KIF17: variants seen among roughly 807,000 people sequenced by gnomAD.
KIF17 encodes the protein kinesin family member 17.
KIF17 carries 80 observed loss-of-function variants against 96.8 expected under a neutral mutation model. That is an observed-to-expected ratio of 0.83 (90% CI 0.69 to 1.00). The LOEUF is 1.00. KIF17 is among the 50% of genes least tolerant of loss of function. KIF17 has a pLI of 0.00. For missense variants in KIF17, 1,280 were observed against 1,372.9 expected, an observed-to-expected ratio of 0.93 and a Z score of 1.07; for synonymous variants, 567 against 587.5, an observed-to-expected ratio of 0.97 and a Z score of 0.51.
intron 5 of KIF17, among the ~76,000 whole-genome samples, chr1:20,701,539 A>G (rs2054236328): frequency 2.0e-5 from 3 of 152,196 alleles, no homozygotes; most frequent in Admixed American, 2.0e-4. Context: ...AAGCCACCTG[A>G]GCAGCGAGTG....
intron 6 of KIF17, among the ~76,000 whole-genome samples, chr1:20,695,138 G>A (rs6694968): frequency 0.21 from 25,917 of 122,176 alleles, 2,743 homozygotes; most frequent in East Asian, 0.42. Context: ...GCACACACAC[G>A]CACACACACA....
chr1:20,686,705 G>A (rs562165712), intron 8 of KIF17, among the ~76,000 whole-genome samples: 18 of 152,176 alleles, frequency 1.2e-4, no homozygotes, highest in Admixed American at 5.9e-4. Flanking sequence ...ACAGGTGCAC[G>A]CCACCACACC....
At chr1:20,712,969 T>G (rs184831944) in intron 3 of KIF17, among the ~76,000 whole-genome samples, 12 of 136,878 alleles carry the variant, frequency 8.8e-5, no homozygotes, top group East Asian at 4.1e-4. Flanking sequence ...TATATATATA[T>G]TATCTATATA....
Position 20,666,041 on chromosome 1 carries a change from G to A in KIF17, c.2908+173C>T, listed in dbSNP as rs1161180254. Among the ~76,000 whole-genome samples the A allele has an allele frequency of 2.6e-5, 4 of 152,164 alleles. No homozygotes were observed. In the East Asian group the frequency reaches 5.8e-4, roughly 22 times the overall value. ...CCGGGCTGGGCCGTTTCCTCACCTC[G>A]TATCACCTAATCCTAAGAAGTTGGT... On this transcript the variant is annotated intron_variant, in intron 14 of 14. Coordinates refer to ENST00000400463, the MANE Select transcript of KIF17 (RefSeq NM_001122819.3).
At chr1:20,692,654 T>C (rs1178752271) in intron 6 of KIF17, 3 of 152,202 alleles carry the variant, frequency 2.0e-5, no homozygotes, top group Non-Finnish European at 4.4e-5. Flanking sequence ...TTATTTTCTG[T>C]GTGTGTGCTC....
Position 20,664,046 on chromosome 1 carries a change from TGTG to T in KIF17, c.*535_*537del, listed in dbSNP as rs2053480268. ...AAAAGCAGTTTATTGGGCAGCTTAA[TGTG>T]GAGTGGCCTTCCTTGGGCCACAGAC... On this transcript the variant is annotated 3_prime_UTR_variant, in exon 15 of 15. Coordinates refer to ENST00000400463, the MANE Select transcript of KIF17 (RefSeq NM_001122819.3). The T allele has an allele frequency of 5.6e-6, 1 of 178,894 alleles. No individual in the cohort carries two copies. Among genetic ancestry groups the T allele is most frequent in the Non-Finnish European group, 1.2e-5 (1 of 82,158 alleles). 11.1% of individuals were successfully genotyped at this position (178,894 alleles called of 1,614,324 possible).
intron 7 of KIF17, among the ~76,000 whole-genome samples, chr1:20,689,392 T>C (rs372812621): frequency 6.6e-6 from 1 of 152,190 alleles, no homozygotes; most frequent in East Asian, 1.9e-4. Context: ...GGCTCATGCC[T>C]GTAAGCCCAG....
intron 11 of KIF17, among the ~76,000 whole-genome samples, chr1:20,681,764 C>T (rs113278672): frequency 1.3e-4 from 20 of 152,304 alleles, no homozygotes; most frequent in African/African-American, 4.6e-4. Flanking sequence ...GCTTCAGGCT[C>T]CATCCCAATG....
chr1:20,671,554 C>T (rs1230516299), intron 12 of KIF17, among the ~76,000 whole-genome samples: 3 of 151,904 alleles, frequency 2.0e-5, no homozygotes, highest in Admixed American at 6.6e-5. Flanking sequence ...AGGCTGGTCT[C>T]GAACTCCTGG....
chr1:20,690,164 C>T, intron 7 of KIF17, 24 bp downstream of exon 7: 1 of 1,613,860 alleles, frequency 6.2e-7, no homozygotes, highest in Non-Finnish European at 8.5e-7. Flanking sequence ...CTGGAGACAG[C>T]CTCGGGGGGC....
In KIF17 at chr1:20,686,097, G is replaced by A. The variant is rs1010948790; in HGVS notation, c.1968C>T (p.Pro656=). The A allele has an allele frequency of 1.3e-6, 2 of 1,568,054 alleles. No homozygotes were observed. Among genetic ancestry groups the A allele is most frequent in the Admixed American group, 3.8e-5 (2 of 53,042 alleles). The change falls in exon 9 of 15, where the codon CCC becomes CCT. Residue 656 remains proline, a synonymous_variant. Coordinates refer to ENST00000400463, the MANE Select transcript of KIF17 (RefSeq NM_001122819.3). ...CCTCGGCTTCGGGCCTGGCATCACTGGGCTCCAGCAGGTCTGTCGGCGCAG... is the reference window on the plus strand; with the variant it reads ...CCTCGGCTTCGGGCCTGGCATCACTAGGCTCCAGCAGGTCTGTCGGCGCAG... ...QVPAPTDLLE[P]SDARPEAEAA...
intron 11 of KIF17, among the ~76,000 whole-genome samples, chr1:20,681,805 C>T (rs1459777166): frequency 6.6e-6 from 1 of 152,196 alleles, no homozygotes; most frequent in Non-Finnish European, 1.5e-5. Flanking sequence ...CACTGGTTCT[C>T]TCTCTCAGTT....
downstream of KIF17, among the ~76,000 whole-genome samples, chr1:20,661,840 T>C (rs650452): frequency 1 from 151,656 of 152,376 alleles, 75,475 homozygotes; most frequent in Middle Eastern, 1. Context: ...CCTCCACCAT[T>C]TCTAGGGAGG....
At position 20,685,242 on chromosome 1, in the gene KIF17, CCT is replaced by C; in HGVS notation, c.2020-224_2020-223del. On this transcript the variant is annotated intron_variant, in intron 9 of 14. Coordinates refer to ENST00000400463, the MANE Select transcript of KIF17 (RefSeq NM_001122819.3). This position sits in a 1 kb window ranked among gnomAD's most constrained non-coding sequence, Gnocchi z 4.1. Reference sequence around the variant, plus strand: ...ACGCTAGGAGGAAGGCTCCCAGCTTCCTCTCTCACCTCCCACAATCCAGTCTC... The same window carrying C: ...ACGCTAGGAGGAAGGCTCCCAGCTTCCTCTCACCTCCCACAATCCAGTCTC... 2 of 687,696 alleles carry C rather than the reference CCT, an allele frequency of 2.9e-6. No individual in the cohort carries two copies. Among genetic ancestry groups the C allele is most frequent in the East Asian group, 5.5e-5 (2 of 36,052 alleles). 42.6% of individuals were successfully genotyped at this position (687,696 alleles called of 1,614,324 possible). A position where few individuals can be genotyped will look rare whatever the true frequency, so the allele number is the denominator to read the frequency against.
rs554741213 is a variant in KIF17, at chr1:20,686,084, G to T, written c.1981C>A (p.Pro661Thr). The T allele has an allele frequency of 1.3e-6, 2 of 1,565,596 alleles. No homozygotes were observed. The highest frequency in any genetic ancestry group is 2.7e-5 in the African/African-American group (2 of 73,888). Residue 661 changes from proline (P) to threonine (T), a missense_variant, in exon 9 of 15, where the codon CCC becomes ACC. Pro to Thr is a conservative substitution (Grantham distance 38). Transcript: ENST00000400463. ...AAGTCATCAGCCGCCTCGGCTTCGG[G>T]CCTGGCATCACTGGGCTCCAGCAGG... ...TDLLEPSDAR[P>T]EAEAADDFPP...
chr1:20,672,291 A>G lies in KIF17; in HGVS notation c.2464-95T>C, dbSNP rs955306157. Reference sequence around the variant, plus strand: ...CTCACTGTCCTGCCAGCAGCCACGCATCGTCTGTTCATTGGCCTGATCAGC... The same window carrying G: ...CTCACTGTCCTGCCAGCAGCCACGCGTCGTCTGTTCATTGGCCTGATCAGC... On this transcript the variant is annotated intron_variant, in intron 11 of 14. Transcript: ENST00000400463. The surrounding 1 kb of genome is among the most constrained non-coding windows in gnomAD (Gnocchi z 4.3). The G allele has an allele frequency of 2.7e-6, 4 of 1,506,858 alleles. No individual in the cohort carries two copies. Among genetic ancestry groups the G allele is most frequent in the African/African-American group, 2.8e-5 (2 of 72,562 alleles). The allele number at this position is 1,506,858 out of a possible 1,614,324, so 93.3% of individuals were successfully genotyped here. A position where few individuals can be genotyped will look rare whatever the true frequency, so the allele number is the denominator to read the frequency against.
At chr1:20,716,867 G>A (rs540858411) in intron 1 of KIF17, among the ~76,000 whole-genome samples, 1 of 152,334 alleles carries the variant, frequency 6.6e-6, no homozygotes, top group Non-Finnish European at 1.5e-5. Context: ...TCATGAGCTT[G>A]CAAATTCTAG....
At chr1:20,683,287 G>A (rs1382281742) in intron 10 of KIF17, among the ~76,000 whole-genome samples, 1 of 152,200 alleles carries the variant, frequency 6.6e-6, no homozygotes, top group Non-Finnish European at 1.5e-5. Flanking sequence ...ATCAGGCAGG[G>A]ACATGCACAA....
chr1:20,714,976 C>A (rs927260137), intron 2 of KIF17, among the ~76,000 whole-genome samples: 9 of 152,162 alleles, frequency 5.9e-5, no homozygotes, highest in Non-Finnish European at 1.3e-4. Context: ...CGCCATTCCC[C>A]GTGCACTGCC....
Sources: allele counts gnomAD v4.1 joint callset (sites outside exome capture counted in the v4.1 genomes callset), GRCh38; gene constraint gnomAD v4.1.1; non-coding constraint Gnocchi (gnomAD v3.1); transcripts MANE v1.5; gene names NCBI Gene and HGNC (gene_info 2026-07-23, HGNC 2026-07-21).